Variants in TTC19 observed in about 807,000 individuals in gnomAD.
The protein encoded by TTC19 is tetratricopeptide repeat domain 19.
A neutral mutation model predicts 49.5 loss-of-function variants in TTC19; 38 were observed. That is an observed-to-expected ratio of 0.77 (90% CI 0.59 to 1.01). The LOEUF (loss-of-function observed/expected upper bound fraction) is 1.01, where lower values mean the gene tolerates loss of function less well. Ranked by LOEUF, TTC19 falls within the 50% of genes least tolerant of loss-of-function variation. The pLI is 0.00. For missense variants in TTC19, 475 were observed against 477.7 expected, an observed-to-expected ratio of 0.99 and a Z score of 0.05; for synonymous variants, 204 against 185.2, an observed-to-expected ratio of 1.10 and a Z score of -0.83.
rs1473547111 is a variant in TTC19, at chr17:16,035,907, TATCCATGGGAGCTGGA to T, written c.248-8592_248-8577del. Among the ~76,000 whole-genome samples the T allele has an allele frequency of 6.6e-5, 10 of 152,292 alleles. No homozygotes were observed. In the South Asian group the frequency reaches 2.1e-3, roughly 32 times the overall value. ...CTGACGTCTTGATCCCCTCCCAAGT[TATCCATGGGAGCTGGA>T]ATCATCTTTTTCCAAACTCCTGTTA... On this transcript the variant is annotated intron_variant, in intron 2 of 2. Coordinates refer to the TTC19 transcript ENST00000470649.
intron 2 of TTC19, chr17:16,035,007 A>G: frequency 6.7e-7 from 1 of 1,492,404 alleles, no homozygotes; most frequent in African/African-American, 1.4e-5. Flanking sequence ...CCAAAATGCT[A>G]ATGATTATAT....
At chr17:16,034,506 G>A (rs926901769) in intron 2 of TTC19, among the ~76,000 whole-genome samples, 7 of 152,052 alleles carry the variant, frequency 4.6e-5, no homozygotes, top group African/African-American at 1.4e-4. Context: ...TACTTGGGTC[G>A]CTCAGGTGAG....
chr17:16,018,212 A>G (rs972844249), intron 7 of TTC19, among the ~76,000 whole-genome samples: 3 of 151,956 alleles, frequency 2.0e-5, no homozygotes, highest in South Asian at 2.1e-4. Context: ...TTAAATGAGC[A>G]TAAGGTTAGG....
rs772235510 is a variant in TTC19, at chr17:16,006,529, A to T, written c.637A>T (p.Ile213Phe). 5 of 1,613,782 alleles carry T rather than the reference A, an allele frequency of 3.1e-6. No homozygotes were observed. Among genetic ancestry groups the T allele is most frequent in the Non-Finnish European group, 4.2e-6 (5 of 1,179,784 alleles). ...CTGCATTTCAACTCTAGAGGAAAAA[A>T]TTGAAAGAGAAAAGGAATTAGCAGA... is the stretch of plus-strand genomic sequence containing the variant. ...EFCISTLEEK[I>F]EREKELAEDI... Residue 213 changes from isoleucine to phenylalanine, a missense_variant, in exon 7 of 10, where the codon ATT (isoleucine) becomes TTT (phenylalanine). Transcript: ENST00000261647.
downstream of TTC19, among the ~76,000 whole-genome samples, chr17:16,033,336 C>CA (rs59285422): frequency 0.06 from 3,432 of 56,870 alleles, 57 homozygotes; most frequent in Middle Eastern, 0.093. Flanking sequence ...ACTCCGTCTC[C>CA]AAAAAAAAAA....
intron 2 of TTC19, among the ~76,000 whole-genome samples, chr17:16,043,480 T>G (rs2058105438): frequency 6.6e-6 from 1 of 152,220 alleles, no homozygotes; most frequent in Non-Finnish European, 1.5e-5. Flanking sequence ...CTGTTAAAGT[T>G]AGGTACTTGT....
chr17:16,021,585 T>A (rs1356554013), intron 7 of TTC19, among the ~76,000 whole-genome samples: 1 of 152,020 alleles, frequency 6.6e-6, no homozygotes, highest in Non-Finnish European at 1.5e-5. Flanking sequence ...GCCTTGTTAG[T>A]ATGAAACCTG....
chr17:16,039,554 T>C (rs1290753263), intron 2 of TTC19: 1 of 1,614,180 alleles, frequency 6.2e-7, no homozygotes. Context: ...GATCCTCAAC[T>C]TTGTCATCAA....
chr17:16,034,926 T>G (rs1973874035), intron 2 of TTC19: 7 of 1,614,010 alleles, frequency 4.3e-6, no homozygotes, highest in Non-Finnish European at 5.9e-6. Flanking sequence ...GCTGATCAGC[T>G]TTGGTTTGCA....
At chr17:16,002,629 G>A in intron 3 of TTC19, 164 bp from the exon 4 acceptor site, 1 of 688,136 alleles carries the variant, frequency 1.5e-6, no homozygotes. Context: ...ATTCTCACAT[G>A]ATTGCTGTCC....
intron 2 of TTC19, among the ~76,000 whole-genome samples, chr17:16,043,486 C>T (rs1301829561): frequency 6.6e-6 from 1 of 152,208 alleles, no homozygotes; most frequent in Non-Finnish European, 1.5e-5. Flanking sequence ...AAGTTAGGTA[C>T]TTGTTTCATC....
chr17:16,000,224 C>G lies in TTC19; in HGVS notation c.291C>G (p.Ile97Met). The change falls in exon 2 of 10, where the codon ATC (isoleucine) becomes ATG (methionine). Residue 97 changes from isoleucine to methionine, a missense_variant. Transcript: ENST00000261647. ...DGADEAEAEI[I>M]QLLKRAKLSI... Reference sequence around the variant, plus strand: ...CGGACGAGGCCGAGGCAGAGATCATCCAGCTGCTGAAGCGAGCCAAGGTGA... The same window carrying G: ...CGGACGAGGCCGAGGCAGAGATCATGCAGCTGCTGAAGCGAGCCAAGGTGA... 1 of 1,595,274 alleles carries G rather than the reference C, an allele frequency of 6.3e-7. No homozygotes were observed. The highest frequency in any genetic ancestry group is 2.3e-4 in the Middle Eastern group (1 of 4,438).
chr17:16,043,465 A>G (rs2152100421), intron 2 of TTC19, among the ~76,000 whole-genome samples: 1 of 152,372 alleles, frequency 6.6e-6, no homozygotes, highest in Non-Finnish European at 1.5e-5. Flanking sequence ...GACATTAATT[A>G]TCTCCTGTTA....
At chr17:16,017,679 T>C (rs1971257177) in intron 7 of TTC19, among the ~76,000 whole-genome samples, 1 of 150,596 alleles carries the variant, frequency 6.6e-6, no homozygotes, top group Non-Finnish European at 1.5e-5. Flanking sequence ...GAGAATCGCA[T>C]GAACCTGGGA....
chr17:16,006,628 T>G, intron 7 of TTC19, 60 bp downstream of exon 7: 1 of 1,165,046 alleles, frequency 8.6e-7, no homozygotes, highest in East Asian at 2.3e-5. Flanking sequence ...CTTTACACTT[T>G]TGAGAAATGG....
At chr17:16,024,890 A>C in intron 7 of TTC19, 127 bp from the exon 8 acceptor site, 1 of 868,650 alleles carries the variant, frequency 1.2e-6, no homozygotes, top group Non-Finnish European at 2.0e-6. Flanking sequence ...GGAATAGGTC[A>C]TTTAACTGGA....
At chr17:16,002,736 G>GA in intron 3 of TTC19, 57 bp from the exon 4 acceptor site, 1 of 1,550,142 alleles carries the variant, frequency 6.5e-7, no homozygotes, top group South Asian at 1.1e-5. Context: ...TTAAAGTTTT[G>GA]AAATAAGTAG....
At chr17:16,032,220 T>C (rs191456771), downstream of TTC19, 770 of 1,422,200 alleles carry the variant, frequency 5.4e-4, no homozygotes, top group Non-Finnish European at 6.8e-4. Flanking sequence ...GGCAGGTTTT[T>C]GACCTGCTAC....
chr17:16,027,578 T>G lies in TTC19; in HGVS notation c.*56T>G, dbSNP rs910507608. 6.3e-7 allele frequency: 1 copy of G among 1,596,850 alleles called. No homozygotes were observed. On this transcript the variant is annotated 3_prime_UTR_variant, in exon 10 of 10. Transcript: ENST00000261647. Reference sequence around the variant, plus strand: ...AGTAATGTGGAAGAATAGCTATCATTCCTGTCTCTGTGGCACCCGATCAAT... The same window carrying G: ...AGTAATGTGGAAGAATAGCTATCATGCCTGTCTCTGTGGCACCCGATCAAT...
Sources: allele counts gnomAD v4.1 joint callset (sites outside exome capture counted in the v4.1 genomes callset), GRCh38; gene constraint gnomAD v4.1.1; transcripts MANE v1.5; gene names NCBI Gene and HGNC (gene_info 2026-07-23, HGNC 2026-07-21).